GREB1L: variants seen among roughly 807,000 people sequenced by gnomAD.
GREB1L encodes the protein GREB1 like retinoic acid receptor coactivator, also known as GREB1-like protein.
Under a neutral mutation model 200.8 loss-of-function variants are expected in GREB1L, and 17 were observed. That is an observed-to-expected ratio of 0.08 (90% CI 0.06 to 0.13). The LOEUF is 0.13. GREB1L is among the 10% of genes least tolerant of loss of function. GREB1L has a pLI of 1.00. For synonymous variants in GREB1L, 789 were observed against 893.0 expected, an observed-to-expected ratio of 0.88 and a Z score of 2.08; for missense variants, 1,657 against 2,367.7, an observed-to-expected ratio of 0.70 and a Z score of 6.23.
intron 11 of GREB1L, among the ~76,000 whole-genome samples, chr18:21,446,006 G>GTTTGTTTGTTTGTTTGATTA (rs1471869992): frequency 6.6e-6 from 1 of 151,762 alleles, no homozygotes; most frequent in Non-Finnish European, 1.5e-5. Flanking sequence ...CTCTTTTTCA[G>GTTTGTTTGTTTGTTTGATTA]TTTGTTTGTT....
chr18:21,505,359 A>G (rs2036970818), intron 23 of GREB1L, 53 bp from the exon 24 acceptor site: 2 of 1,498,748 alleles, frequency 1.3e-6, no homozygotes, highest in African/African-American at 2.8e-5. Flanking sequence ...TCTCTGACAC[A>G]TGGGGAAGAG....
At chr18:21,457,595 T>C (rs539451703) in intron 15 of GREB1L, among the ~76,000 whole-genome samples, 1 of 152,350 alleles carries the variant, frequency 6.6e-6, no homozygotes, top group East Asian at 1.9e-4. Context: ...TCACTTGGCA[T>C]TACAGTGTGT....
intron 1 of GREB1L, among the ~76,000 whole-genome samples, chr18:21,298,609 T>C (rs2038567431): frequency 6.6e-6 from 1 of 152,172 alleles, no homozygotes; most frequent in Non-Finnish European, 1.5e-5. Context: ...TCAAGGGTGC[T>C]CCTGACTGAA....
intron 15 of GREB1L, 44 bp downstream of exon 15, chr18:21,454,607 C>T: frequency 7.2e-7 from 1 of 1,379,708 alleles, no homozygotes; most frequent in Non-Finnish European, 1.0e-6. Flanking sequence ...GATCCAGCTT[C>T]AGATCCCCTC....
At chr18:21,345,639 G>A (rs1271534458) in intron 1 of GREB1L, among the ~76,000 whole-genome samples, 2 of 152,012 alleles carry the variant, frequency 1.3e-5, no homozygotes, top group African/African-American at 4.8e-5. Flanking sequence ...TTGGGAGGCC[G>A]AGGTGGGTGG....
chr18:21,404,086 AGAGAT>A (rs1461336796), intron 7 of GREB1L, 92 bp downstream of exon 7: 7 of 1,134,348 alleles, frequency 6.2e-6, no homozygotes, highest in Non-Finnish European at 8.8e-6. Context: ...TGGTTTGAAT[AGAGAT>A]ATTTCAAAAT....
At chr18:21,402,801 G>A (rs2041373316) in intron 6 of GREB1L, among the ~76,000 whole-genome samples, 1 of 152,018 alleles carries the variant, frequency 6.6e-6, no homozygotes, top group Non-Finnish European at 1.5e-5. Context: ...AGCATTACAG[G>A]CATGAGCCAC....
At chr18:21,489,177 C>T (rs554703235) in intron 18 of GREB1L, among the ~76,000 whole-genome samples, 2 of 152,212 alleles carry the variant, frequency 1.3e-5, no homozygotes, top group African/African-American at 4.8e-5. Flanking sequence ...TAAAAACTGC[C>T]GATTTTAACA....
chr18:21,253,922 G>A (rs201007442), intron 1 of GREB1L, among the ~76,000 whole-genome samples: 8 of 143,998 alleles, frequency 5.6e-5, no homozygotes, highest in Non-Finnish European at 4.5e-5. Context: ...CTGCAGCCTC[G>A]AACTCCTGGG....
chr18:21,449,832 G>A lies in GREB1L; in HGVS notation c.1716G>A (p.Val572=), dbSNP rs2034431549. 1.3e-6 allele frequency: 2 copies of A among 1,498,992 alleles called. No individual in the cohort carries two copies. Among genetic ancestry groups the A allele is most frequent in the Non-Finnish European group, 1.8e-6 (2 of 1,122,566 alleles). The allele number at this position is 1,498,992 out of a possible 1,614,324, so 92.9% of individuals were successfully genotyped here. A position where few individuals can be genotyped will look rare whatever the true frequency, so the allele number is the denominator to read the frequency against. The change falls in exon 12 of 33, where the codon GTG becomes GTA. Residue 572 remains valine (V), a synonymous_variant. Coordinates refer to ENST00000424526, the MANE Select transcript of GREB1L (RefSeq NM_001142966.3). ...KIRGNEFCVV[V]LGQHQSRALA... ...GAGGAAATGAATTTTGTGTGGTAGT[G>A]TTAGGTGAGTAATTTTTTTGTTTTT...
chr18:21,394,949 A>AAG (rs2040980522), intron 4 of GREB1L, among the ~76,000 whole-genome samples: 1 of 149,468 alleles, frequency 6.7e-6, no homozygotes, highest in Non-Finnish European at 1.5e-5. Context: ...AAAAAAAAAA[A>AAG]AAAAATTAGC....
At chr18:21,450,252 A>G (rs2034454295) in intron 12 of GREB1L, among the ~76,000 whole-genome samples, 1 of 152,140 alleles carries the variant, frequency 6.6e-6, no homozygotes, top group African/African-American at 2.4e-5. Flanking sequence ...TAATATTGTA[A>G]CATAGTCTCT....
intron 7 of GREB1L, among the ~76,000 whole-genome samples, chr18:21,412,638 G>A (rs997137429): frequency 2.0e-5 from 3 of 152,096 alleles, no homozygotes; most frequent in African/African-American, 7.2e-5. Context: ...ATCACCTCTG[G>A]GCAGAAGGAG....
intron 1 of GREB1L, among the ~76,000 whole-genome samples, chr18:21,257,635 G>A (rs933858526): frequency 6.6e-6 from 1 of 152,168 alleles, no homozygotes; most frequent in African/African-American, 2.4e-5. Context: ...TAGGAACTGT[G>A]ATGGAACAGT....
At chr18:21,344,382 C>T (rs1321324375) in intron 1 of GREB1L, among the ~76,000 whole-genome samples, 1 of 148,698 alleles carries the variant, frequency 6.7e-6, no homozygotes, top group Non-Finnish European at 1.5e-5. Context: ...GCCTGGGCGA[C>T]AGAGCAAAAC....
intron 1 of GREB1L, among the ~76,000 whole-genome samples, chr18:21,331,200 C>T (rs2039102401): frequency 6.6e-6 from 1 of 152,146 alleles, no homozygotes; most frequent in Non-Finnish European, 1.5e-5. Flanking sequence ...ACAATAGATG[C>T]TTGCACTTAA....
chr18:21,383,111 AC>A (rs1428497496), intron 2 of GREB1L, among the ~76,000 whole-genome samples: 4 of 152,174 alleles, frequency 2.6e-5, no homozygotes, highest in African/African-American at 7.2e-5. Context: ...AAAATTCATT[AC>A]TTACTCTGAA....
chr18:21,407,979 G>T (rs537516723), intron 7 of GREB1L, among the ~76,000 whole-genome samples: 1 of 152,308 alleles, frequency 6.6e-6, no homozygotes, highest in East Asian at 1.9e-4. Flanking sequence ...GTGAGGAGAT[G>T]GGGATGAAGA....
In GREB1L at chr18:21,523,624, T is replaced by TGC; in HGVS notation, c.*803_*804insGC. On this transcript the variant is annotated 3_prime_UTR_variant, in exon 33 of 33. Coordinates refer to ENST00000424526, the MANE Select transcript of GREB1L (RefSeq NM_001142966.3). ...ATCTTTTGCAAGAACTTAAGTCAGTTAAGAAGCTTTCAGCAGGTAACCTGC... is the reference window on the plus strand; with the variant it reads ...ATCTTTTGCAAGAACTTAAGTCAGTTGCAAGAAGCTTTCAGCAGGTAACCTGC... The TGC allele has an allele frequency of 6.6e-6, 1 of 152,228 alleles. No individual in the cohort carries two copies. The highest frequency in any genetic ancestry group is 1.5e-5 in the Non-Finnish European group (1 of 68,042). The allele number at this position is 152,228 out of a possible 1,614,324, so 9.4% of individuals were successfully genotyped here.
Sources: gnomAD v4.1 joint callset for allele counts (sites outside exome capture counted in the v4.1 genomes callset) on GRCh38, gnomAD v4.1.1 for gene constraint, MANE v1.5 for transcripts, NCBI Gene and HGNC (gene_info 2026-07-23, HGNC 2026-07-21) for gene names.